The following CORIN variants were observed in gnomAD, a reference collection of about 807,000 sequenced individuals.
CORIN encodes atrial natriuretic peptide-converting enzyme.
A neutral mutation model predicts 125.3 loss-of-function variants in CORIN; 117 were observed. The observed-to-expected ratio is 0.93, with a 90% CI of 0.80 to 1.09. The LOEUF (loss-of-function observed/expected upper bound fraction) is 1.09, where lower values mean the gene tolerates loss of function less well. CORIN is among the 50% of genes least tolerant of loss of function. CORIN has a pLI of 0.00. For synonymous variants in CORIN, 450 were observed against 466.4 expected, an observed-to-expected ratio of 0.96 and a Z score of 0.45; for missense variants, 1,253 against 1,306.7, an observed-to-expected ratio of 0.96 and a Z score of 0.63.
At chr4:47,764,421 T>C (rs1729612503) in intron 3 of CORIN, among the ~76,000 whole-genome samples, 1 of 152,226 alleles carries the variant, frequency 6.6e-6, no homozygotes, top group Non-Finnish European at 1.5e-5. Context: ...TGACATGCAT[T>C]CATATGATGG....
At chr4:47,704,921 T>C (rs1726479235) in intron 5 of CORIN, among the ~76,000 whole-genome samples, 1 of 152,142 alleles carries the variant, frequency 6.6e-6, no homozygotes, top group Non-Finnish European at 1.5e-5. Flanking sequence ...ACTCAGCACG[T>C]AGTCGCTGTG....
intron 3 of CORIN, among the ~76,000 whole-genome samples, chr4:47,775,411 T>C (rs181300248): frequency 8.5e-5 from 13 of 152,150 alleles, no homozygotes; most frequent in Admixed American, 1.3e-4. Flanking sequence ...ATGTTCCCCA[T>C]CCTGTGTCCA....
intron 2 of CORIN, among the ~76,000 whole-genome samples, chr4:47,792,864 GC>G (rs986088585): frequency 7.2e-5 from 11 of 152,288 alleles, no homozygotes; most frequent in African/African-American, 2.4e-4. Flanking sequence ...ATGAGCACAG[GC>G]CCCCTGCCAT....
chr4:47,733,119 A>G (rs1005795322), intron 5 of CORIN, among the ~76,000 whole-genome samples: 2 of 152,076 alleles, frequency 1.3e-5, no homozygotes, highest in African/African-American at 4.8e-5. Flanking sequence ...AAGGATTTAC[A>G]TTTGCACAGG....
At chr4:47,617,176 A>G (rs750726678) in intron 19 of CORIN, among the ~76,000 whole-genome samples, 2 of 152,224 alleles carry the variant, frequency 1.3e-5, no homozygotes, top group African/African-American at 2.4e-5. Context: ...ATCAGAGTAG[A>G]AAAGTGACTT....
chr4:47,779,127 G>A (rs1730419332), intron 3 of CORIN, among the ~76,000 whole-genome samples: 1 of 152,182 alleles, frequency 6.6e-6, no homozygotes, highest in Non-Finnish European at 1.5e-5. Context: ...ATATAGAGTT[G>A]TTACAAACAT....
At chr4:47,832,445 C>CTTTTTTTTTTTTTTTTTTTTTTT (rs1211972356) in intron 1 of CORIN, among the ~76,000 whole-genome samples, 1 of 76,922 alleles carries the variant, frequency 1.3e-5, no homozygotes, top group Non-Finnish European at 2.9e-5. Flanking sequence ...CTTTTCTTTT[C>CTTTTTTTTTTTTTTTTTTTTTTT]TTTTTTTTTT....
intron 3 of CORIN, among the ~76,000 whole-genome samples, chr4:47,786,262 C>CGGT (rs1418916405): frequency 2.0e-5 from 3 of 151,768 alleles, no homozygotes; most frequent in African/African-American, 7.3e-5. Context: ...CAGCAGGGCG[C>CGGT]GGTGGCTCAC....
chr4:47,737,723 T>C (rs1422321439), intron 5 of CORIN, among the ~76,000 whole-genome samples: 1 of 152,142 alleles, frequency 6.6e-6, no homozygotes, highest in Admixed American at 6.5e-5. Context: ...ACTCAACTTT[T>C]AGCACCTAGT....
intron 2 of CORIN, among the ~76,000 whole-genome samples, chr4:47,800,167 C>G (rs1307141259): frequency 2.0e-5 from 3 of 151,726 alleles, no homozygotes; most frequent in Middle Eastern, 3.2e-3. Flanking sequence ...AAACAGACTG[C>G]AGTGATGGTT....
chr4:47,757,960 C>T lies in CORIN; in HGVS notation c.617+5419G>A, dbSNP rs185304833. 2.6e-3 allele frequency among the ~76,000 whole-genome samples: 390 copies of T among 149,932 alleles called. 3 individuals carry two copies. The highest frequency in any genetic ancestry group is 8.8e-3 in the African/African-American group (357 of 40,622). Reference sequence around the variant, plus strand: ...ACAGAGTCTCACTCCATCGTCCAGGCTGAAGTGCAGTGGCACGATCTCAGC... The same window carrying T: ...ACAGAGTCTCACTCCATCGTCCAGGTTGAAGTGCAGTGGCACGATCTCAGC... On this transcript the variant is annotated intron_variant, in intron 4 of 21. Transcript: ENST00000273857.
chr4:47,823,337 AC>A (rs1448721247), intron 1 of CORIN, among the ~76,000 whole-genome samples: 5 of 152,112 alleles, frequency 3.3e-5, no homozygotes, highest in Non-Finnish European at 7.4e-5. Flanking sequence ...TTCATCTGCT[AC>A]TAGCCTTGCA....
chr4:47,803,707 A>C (rs1265491525), intron 2 of CORIN, among the ~76,000 whole-genome samples: 2 of 152,286 alleles, frequency 1.3e-5, no homozygotes, highest in East Asian at 3.8e-4. Flanking sequence ...AAATCAAATC[A>C]AAATGGATTA....
chr4:47,642,966 G>T, intron 15 of CORIN, 180 bp downstream of exon 15: 1 of 1,536,292 alleles, frequency 6.5e-7, no homozygotes, highest in Non-Finnish European at 8.7e-7. Context: ...GTAGCTTCGT[G>T]GGGAAATTTT....
At chr4:47,666,625 A>G (rs78272869) in intron 10 of CORIN, among the ~76,000 whole-genome samples, 1 of 152,268 alleles carries the variant, frequency 6.6e-6, no homozygotes, top group Non-Finnish European at 1.5e-5. Flanking sequence ...TGAGGTTTCA[A>G]TGAGGTCTAG....
intron 5 of CORIN, among the ~76,000 whole-genome samples, chr4:47,709,092 G>A (rs1017853476): frequency 2.0e-5 from 3 of 152,004 alleles, no homozygotes; most frequent in East Asian, 3.9e-4. Flanking sequence ...TCCATTTGTC[G>A]TTAACAACCC....
At position 47,625,998 on chromosome 4, in the gene CORIN, A is replaced by G. The variant is rs535034394; in HGVS notation, c.2315+407T>C. 4.6e-5 allele frequency among the ~76,000 whole-genome samples: 7 copies of G among 152,252 alleles called. No homozygotes were observed. In the South Asian group the frequency reaches 1.2e-3, roughly 27 times the overall value. ...GTACTTTCAAGGCAACTTGATTATA[A>G]TTTCATTTTTGTGTCTATTCCTCTC... On this transcript the variant is annotated intron_variant, in intron 17 of 21. Coordinates refer to ENST00000273857, the MANE Select transcript of CORIN (RefSeq NM_006587.4).
chr4:47,667,680 C>T (rs1249514100), intron 10 of CORIN, among the ~76,000 whole-genome samples: 1 of 151,986 alleles, frequency 6.6e-6, no homozygotes, highest in Non-Finnish European at 1.5e-5. Flanking sequence ...AAAAATGATG[C>T]ATGAAGTGCA....
At chr4:47,645,450 CAA>C (rs371256567) in intron 13 of CORIN, among the ~76,000 whole-genome samples, 24 of 99,290 alleles carry the variant, frequency 2.4e-4, no homozygotes, top group East Asian at 3.1e-4. Context: ...GACTTTGTCT[CAA>C]AAAAAAAAAA....
Sources: gnomAD v4.1 joint callset for allele counts (sites outside exome capture counted in the v4.1 genomes callset) on GRCh38, gnomAD v4.1.1 for gene constraint, MANE v1.5 for transcripts, NCBI Gene and HGNC (gene_info 2026-07-23, HGNC 2026-07-21) for gene names.